FGF13: variants seen among roughly 807,000 people sequenced by gnomAD.
FGF13 encodes the protein fibroblast growth factor 13, also known as fibroblast growth factor homologous factor 2.
In FGF13, 2 loss-of-function variants were observed where a neutral mutation model predicts 19.5. The observed-to-expected ratio is 0.10, with a 90% CI of 0.04 to 0.32. FGF13 has a LOEUF of 0.32. FGF13 is among the 10% of genes least tolerant of loss of function. The pLI, the probability that FGF13 is intolerant of heterozygous loss-of-function variation, is 1.00. For synonymous variants in FGF13, 72 were observed against 76.9 expected (o/e 0.94, Z 0.33); for missense variants, 113 against 192.7 (o/e 0.59, Z 2.45).
At chrX:138,807,694 G>C (rs919675154) in intron 3 of FGF13, among the ~76,000 whole-genome samples, 1 of 111,318 alleles carries the variant, frequency 9.0e-6, no homozygotes, top group Non-Finnish European at 1.9e-5. Flanking sequence ...GTATTCAGGA[G>C]ACCCATCTCA....
intron 1 of FGF13, among the ~76,000 whole-genome samples, chrX:139,046,249 A>G (rs1470535389): frequency 1.8e-5 from 2 of 110,819 alleles, no homozygotes; most frequent in Non-Finnish European, 3.8e-5. Flanking sequence ...GGTGCCACAC[A>G]CTTTTAGATG....
intron 1 of FGF13, among the ~76,000 whole-genome samples, chrX:139,163,268 C>A (rs1249497427): frequency 1.8e-5 from 2 of 111,208 alleles, no homozygotes; most frequent in African/African-American, 6.6e-5. Flanking sequence ...TGGAAACCAT[C>A]ATTCTCAGCA....
chrX:138,760,121 C>T (rs1384775201), intron 3 of FGF13, among the ~76,000 whole-genome samples: 14 of 111,141 alleles, frequency 1.3e-4, no homozygotes. Flanking sequence ...CATTATTAAG[C>T]TCAAAGATGT....
intron 3 of FGF13, among the ~76,000 whole-genome samples, chrX:138,803,837 T>A (rs1302623642): frequency 8.9e-6 from 1 of 112,349 alleles, no homozygotes; most frequent in Admixed American, 9.5e-5. Flanking sequence ...CCACAGCATT[T>A]CAGAAAAATA....
chrX:139,088,761 A>G (rs780002866), intron 1 of FGF13, among the ~76,000 whole-genome samples: 5 of 111,674 alleles, frequency 4.5e-5, no homozygotes, highest in Non-Finnish European at 9.4e-5. Flanking sequence ...CGAGGAGGCT[A>G]CAGTCTGAAT....
intron 3 of FGF13, among the ~76,000 whole-genome samples, chrX:138,818,819 T>A (rs893879551): frequency 4.5e-5 from 5 of 111,759 alleles, no homozygotes; most frequent in African/African-American, 1.6e-4. Flanking sequence ...TAAATGAATT[T>A]TAAAATAAAA....
chrX:138,877,476 T>TAA (rs2091397539), intron 1 of FGF13, among the ~76,000 whole-genome samples: 1 of 112,045 alleles, frequency 8.9e-6, no homozygotes, highest in Admixed American at 9.5e-5. Context: ...AAATAGTTTT[T>TAA]AAGTGTACAA....
intron 1 of FGF13, among the ~76,000 whole-genome samples, chrX:138,971,263 T>C (rs1480312129): frequency 8.9e-6 from 1 of 112,207 alleles, no homozygotes; most frequent in East Asian, 2.8e-4. Flanking sequence ...ATGGGAACAG[T>C]ATCTACCTCA....
At chrX:138,862,345 T>C (rs1356112348) in intron 2 of FGF13, among the ~76,000 whole-genome samples, 2 of 112,227 alleles carry the variant, frequency 1.8e-5, no homozygotes, top group Non-Finnish European at 3.8e-5. Context: ...TGATACATGA[T>C]TTTAAATCAA....
chrX:138,986,963 T>C (rs1185030370), intron 1 of FGF13, among the ~76,000 whole-genome samples: 2 of 112,150 alleles, frequency 1.8e-5, no homozygotes. Context: ...ATGTTGCTTG[T>C]GCAACAAATA....
rs57371432 is a variant in FGF13, at chrX:138,978,544, G to A, written c.-112-113894C>T. On this transcript the variant is annotated intron_variant, in intron 1 of 2. Coordinates refer to the FGF13 transcript ENST00000421460. ...CCCAAAGTGCTGGGATTACAGGCGC[G>A]AGCCACCGCGCCCGGCCCCTGGTGT... Among the ~76,000 whole-genome samples, 1,109 of 112,232 alleles carry A rather than the reference G, an allele frequency of 9.9e-3. 14 individuals are homozygous for A. The highest frequency in any genetic ancestry group is 0.033 in the African/African-American group (1,023 of 30,914).
rs1394181525 is a variant in FGF13 at position 138,627,009 on chromosome X, CAGAG to C, written c.*5837_*5840del. On this transcript the variant is annotated 3_prime_UTR_variant, in exon 5 of 5. Transcript: ENST00000315930. ...CCAGTTTGTCCCAGGGTATTAGTGA[CAGAG>C]AGGTTTCCATATGTGAAGAACATAA... 8.9e-6 allele frequency: 1 copy of C among 111,802 alleles called. No individual in the cohort carries two copies. The highest frequency in any genetic ancestry group is 1.9e-5 in the Non-Finnish European group (1 of 53,174). 9.2% of individuals were successfully genotyped at this position (111,802 alleles called of 1,213,427 possible). A position where few individuals can be genotyped will look rare whatever the true frequency, so the allele number is the denominator to read the frequency against.
intron 3 of FGF13, among the ~76,000 whole-genome samples, chrX:138,827,360 G>A (rs915239091): frequency 1.8e-5 from 2 of 111,375 alleles, no homozygotes; most frequent in Non-Finnish European, 3.8e-5. Context: ...TTGTAACTGT[G>A]GAAATGATTT....
At chrX:138,819,826 G>T (rs1208255708) in intron 3 of FGF13, among the ~76,000 whole-genome samples, 1 of 111,387 alleles carries the variant, frequency 9.0e-6, no homozygotes, top group African/African-American at 3.3e-5. Context: ...ACTTATTATG[G>T]AACTGCATAT....
intron 1 of FGF13, among the ~76,000 whole-genome samples, chrX:138,960,674 T>C (rs1377538038): frequency 1.8e-5 from 2 of 112,002 alleles, no homozygotes; most frequent in Non-Finnish European, 3.8e-5. Context: ...GTATTTTCGA[T>C]AGTCCCATAT....
chrX:139,158,328 C>G (rs1266560995), intron 1 of FGF13, among the ~76,000 whole-genome samples: 1 of 110,820 alleles, frequency 9.0e-6, no homozygotes, highest in African/African-American at 3.3e-5. Context: ...CAGAGCCCAC[C>G]CCCATTGAGC....
At chrX:138,873,895 T>C (rs1057042008) in intron 1 of FGF13, among the ~76,000 whole-genome samples, 4 of 106,353 alleles carry the variant, frequency 3.8e-5, no homozygotes, top group African/African-American at 6.9e-5. Flanking sequence ...CAGCAAACTA[T>C]GGCAAGGACA....
chrX:138,775,960 C>T (rs1408918605), intron 3 of FGF13, among the ~76,000 whole-genome samples: 1 of 112,139 alleles, frequency 8.9e-6, no homozygotes, highest in African/African-American at 3.2e-5. Context: ...CGGTCTCTAC[C>T]CTGGAGGAGC....
chrX:139,153,765 G>A (rs1441396972), intron 1 of FGF13, among the ~76,000 whole-genome samples: 1 of 111,487 alleles, frequency 9.0e-6, no homozygotes, highest in Admixed American at 9.5e-5. Flanking sequence ...TGTCATAGTG[G>A]ACTAGGTTAA....
Sources: allele counts gnomAD v4.1 joint callset (sites outside exome capture counted in the v4.1 genomes callset), GRCh38; gene constraint gnomAD v4.1.1; transcripts MANE v1.5; gene names NCBI Gene and HGNC (gene_info 2026-07-23, HGNC 2026-07-21).